Variants in KCNT2 observed in about 807,000 individuals in gnomAD.
The protein encoded by KCNT2 is potassium channel subfamily T member 2.
KCNT2 carries 67 observed loss-of-function variants against 153.8 expected under a neutral mutation model. That is an observed-to-expected ratio of 0.44 (90% confidence interval 0.36 to 0.53). The LOEUF is 0.53. KCNT2 is among the 20% of genes least tolerant of loss of function. The pLI, the probability that KCNT2 is intolerant of heterozygous loss-of-function variation, is 0.00. For missense variants in KCNT2, 975 were observed against 1,354.8 expected (o/e 0.72, Z 4.40); for synonymous variants, 500 against 458.8 (o/e 1.09, Z -1.15).
rs1672920026 is a variant in KCNT2, at chr1:196,418,376, C to T, written c.1185+4674G>A. Among the ~76,000 whole-genome samples the T allele has an allele frequency of 2.6e-5, 4 of 152,056 alleles. No individual in the cohort carries two copies. The South Asian group carries it at 8.3e-4, about 32-fold the overall frequency. On this transcript the variant is annotated intron_variant, in intron 12 of 27. Transcript: ENST00000294725. Reference sequence around the variant, plus strand: ...AATAAATAAACAAATAAATAATTAGCCAGGCATGGTACCCAGAAGGCGGAG... The same window carrying T: ...AATAAATAAACAAATAAATAATTAGTCAGGCATGGTACCCAGAAGGCGGAG...
intron 13 of KCNT2, among the ~76,000 whole-genome samples, chr1:196,385,772 A>AAAATATAT (rs747480460): frequency 8.8e-5 from 13 of 148,528 alleles, no homozygotes; most frequent in African/African-American, 1.7e-4. Context: ...GCATTAAAAA[A>AAAATATAT]ATATATATAT....
intron 14 of KCNT2, among the ~76,000 whole-genome samples, chr1:196,369,007 C>A (rs1404204905): frequency 6.6e-6 from 1 of 152,086 alleles, no homozygotes; most frequent in East Asian, 1.9e-4. Context: ...CATATCTAAT[C>A]AGTGGCAAAC....
At chr1:196,572,736 AGAG>A (rs1558092765) in intron 1 of KCNT2, among the ~76,000 whole-genome samples, 1 of 152,066 alleles carries the variant, frequency 6.6e-6, no homozygotes, top group Non-Finnish European at 1.5e-5. Flanking sequence ...AATCTGATGA[AGAG>A]GAGAACATTT....
At chr1:196,591,227 C>G (rs1419214604) in intron 1 of KCNT2, among the ~76,000 whole-genome samples, 3 of 152,082 alleles carry the variant, frequency 2.0e-5, no homozygotes. Flanking sequence ...CTGGCACCTC[C>G]TTTCTCTCTT....
At chr1:196,259,009 T>A (rs1455850200) in intron 25 of KCNT2, among the ~76,000 whole-genome samples, 1 of 152,170 alleles carries the variant, frequency 6.6e-6, no homozygotes, top group East Asian at 1.9e-4. Context: ...ATATGTGAAT[T>A]TTTAAAATTC....
At chr1:196,596,382 G>A (rs187076213) in intron 1 of KCNT2, among the ~76,000 whole-genome samples, 13 of 152,126 alleles carry the variant, frequency 8.5e-5, no homozygotes, top group Admixed American at 2.6e-4. Context: ...CCACATCCAA[G>A]CCAACATTTA....
chr1:196,295,853 G>T (rs1660628680), intron 22 of KCNT2, among the ~76,000 whole-genome samples: 1 of 151,940 alleles, frequency 6.6e-6, no homozygotes, highest in African/African-American at 2.4e-5. Flanking sequence ...TGAGTCCTTA[G>T]AAGATAAACA....
chr1:196,470,924 G>C (rs1678046838), intron 5 of KCNT2, among the ~76,000 whole-genome samples: 1 of 134,570 alleles, frequency 7.4e-6, no homozygotes, highest in Non-Finnish European at 1.5e-5. Flanking sequence ...CTGTCACCCA[G>C]GCTGGAGTGC....
At position 196,467,790 on chromosome 1, in the gene KCNT2, GAAAAC is replaced by G; in HGVS notation, c.460-9_460-5del. On this transcript the variant is annotated splice_region_variant and splice_polypyrimidine_tract_variant and intron_variant, in intron 6 of 27. Coordinates refer to ENST00000294725, the MANE Select transcript of KCNT2 (RefSeq NM_198503.5). ...TCCTTAAGGAAGGCCAGAATATCTGGAAAACAAAACAAAACAAAACTAGACTTTTA... is the reference window on the plus strand; with the variant it reads ...TCCTTAAGGAAGGCCAGAATATCTGGAAAACAAAACAAAACTAGACTTTTA... 6 of 1,583,424 alleles carry G rather than the reference GAAAAC, an allele frequency of 3.8e-6. No homozygotes were observed. Among genetic ancestry groups the G allele is most frequent in the East Asian group, 2.3e-5 (1 of 44,392 alleles).
chr1:196,467,618 T>TTC (rs948746533), intron 7 of KCNT2, 85 bp downstream of exon 7: 3 of 818,370 alleles, frequency 3.7e-6, no homozygotes, highest in Non-Finnish European at 5.8e-6. Flanking sequence ...AGATCCCAAA[T>TTC]TCTCTCTCTC....
At chr1:196,413,749 C>A (rs1207192150) in intron 12 of KCNT2, among the ~76,000 whole-genome samples, 1 of 151,558 alleles carries the variant, frequency 6.6e-6, no homozygotes, top group African/African-American at 2.4e-5. Context: ...TTCATGATTA[C>A]CTACTGTTTT....
intron 21 of KCNT2, among the ~76,000 whole-genome samples, chr1:196,312,531 A>T (rs578162564): frequency 6.6e-6 from 1 of 151,808 alleles, no homozygotes; most frequent in African/African-American, 2.4e-5. Flanking sequence ...TTTTCGAAAC[A>T]CTTCAAAATA....
intron 25 of KCNT2, chr1:196,273,500 G>A (rs904977858): frequency 5.6e-5 from 86 of 1,528,278 alleles, no homozygotes; most frequent in Non-Finnish European, 7.1e-5. Flanking sequence ...TGACACAACG[G>A]GAGGGAAAAA....
At position 196,401,074 on chromosome 1, in the gene KCNT2, T is replaced by C. The variant is rs563257619; in HGVS notation, c.1186-2403A>G. Among the ~76,000 whole-genome samples, 4 of 151,804 alleles carry C rather than the reference T, an allele frequency of 2.6e-5. No homozygotes were observed. The East Asian group carries it at 7.8e-4, about 30-fold the overall frequency. On this transcript the variant is annotated intron_variant, in intron 12 of 27. Coordinates refer to ENST00000294725, the MANE Select transcript of KCNT2 (RefSeq NM_198503.5). Reference sequence around the variant, plus strand: ...AGAAACCACAAATTCTGTGAATGAGTGTAAACATCTTTGGCTGACCTCTGA... The same window carrying C: ...AGAAACCACAAATTCTGTGAATGAGCGTAAACATCTTTGGCTGACCTCTGA...
intron 1 of KCNT2, among the ~76,000 whole-genome samples, chr1:196,588,745 C>G (rs1309640800): frequency 6.6e-6 from 1 of 151,752 alleles, no homozygotes. Flanking sequence ...TTATGGGCAG[C>G]AATTAATTTT....
intron 1 of KCNT2, among the ~76,000 whole-genome samples, chr1:196,557,952 A>G (rs1658895565): frequency 1.3e-5 from 2 of 151,370 alleles, no homozygotes; most frequent in South Asian, 4.1e-4. Context: ...ATGAGATCTC[A>G]TTGTCCTTAT....
Position 196,226,170 on chromosome 1 carries a change from C to T in KCNT2, c.*2054G>A, listed in dbSNP as rs1653475815. The stretch of plus-strand genomic sequence containing the variant: ...TTAAAATCCTAGTCTCAACAACTGT[C>T]ATAATGCAAAAATACCAAACTTCAG... On this transcript the variant is annotated 3_prime_UTR_variant, in exon 28 of 28. Coordinates refer to ENST00000294725, the MANE Select transcript of KCNT2 (RefSeq NM_198503.5). 3 of 152,032 alleles carry T rather than the reference C, an allele frequency of 2.0e-5. No individual in the cohort carries two copies. In the Middle Eastern group the frequency reaches 0.01, roughly 517 times the overall value. 9.4% of individuals were successfully genotyped at this position (152,032 alleles called of 1,614,324 possible).
chr1:196,337,486 G>A (rs558247015), intron 16 of KCNT2, among the ~76,000 whole-genome samples: 12 of 152,144 alleles, frequency 7.9e-5, no homozygotes, highest in African/African-American at 2.4e-4. Flanking sequence ...AGTAGAAGCT[G>A]CAATCCCATA....
At chr1:196,278,188 A>G (rs1323647100) in intron 25 of KCNT2, among the ~76,000 whole-genome samples, 1 of 152,196 alleles carries the variant, frequency 6.6e-6, no homozygotes, top group Non-Finnish European at 1.5e-5. Context: ...CTTATTTACC[A>G]GGAAATTAAA....
Sources: allele counts gnomAD v4.1 joint callset (sites outside exome capture counted in the v4.1 genomes callset), GRCh38; gene constraint gnomAD v4.1.1; transcripts MANE v1.5; gene names NCBI Gene and HGNC (gene_info 2026-07-23, HGNC 2026-07-21).